TBC1D12: variants seen among roughly 807,000 people sequenced by gnomAD.
The protein encoded by TBC1D12 is TBC1 domain family, member 12.
Under a neutral mutation model 86.7 loss-of-function variants are expected in TBC1D12, and 56 were observed. The ratio of observed to expected loss-of-function variants is 0.65; its 90% CI spans 0.52 to 0.81. The LOEUF is 0.81. TBC1D12 is among the 30% of genes least tolerant of loss of function. TBC1D12 has a pLI of 0.00. For synonymous variants in TBC1D12, 421 were observed against 411.7 expected, an observed-to-expected ratio of 1.02 and a Z score of -0.27; for missense variants, 1,023 against 1,038.8, an observed-to-expected ratio of 0.98 and a Z score of 0.21.
chr10:94,513,802 G>A (rs1050413424), intron 9 of TBC1D12, among the ~76,000 whole-genome samples: 9 of 151,984 alleles, frequency 5.9e-5, no homozygotes, highest in African/African-American at 1.7e-4. Context: ...CAAGTGACCC[G>A]CCTGCATTGG....
chr10:94,460,861 A>G (rs186159089), intron 2 of TBC1D12, among the ~76,000 whole-genome samples: 1 of 152,040 alleles, frequency 6.6e-6, no homozygotes, highest in African/African-American at 2.4e-5. Flanking sequence ...GCCATGTCCA[A>G]TTTACTAATC....
intron 6 of TBC1D12, 138 bp downstream of exon 6, chr10:94,500,465 C>G: frequency 1.9e-6 from 1 of 534,058 alleles, no homozygotes; most frequent in Non-Finnish European, 3.1e-6. Context: ...CTTCATCCCC[C>G]TGTTATGAAG....
intron 2 of TBC1D12, among the ~76,000 whole-genome samples, chr10:94,472,446 T>C (rs776969235): frequency 8.5e-5 from 13 of 152,190 alleles, no homozygotes; most frequent in Non-Finnish European, 1.8e-4. Context: ...TCAATGTTAG[T>C]TGTTATTAAT....
At chr10:94,417,436 T>C (rs1039326879) in intron 1 of TBC1D12, among the ~76,000 whole-genome samples, 12 of 152,136 alleles carry the variant, frequency 7.9e-5, no homozygotes, top group Non-Finnish European at 1.3e-4. Flanking sequence ...TGAGATGATA[T>C]GAAAATAGAG....
At chr10:94,449,309 G>A (rs1009632813) in intron 2 of TBC1D12, among the ~76,000 whole-genome samples, 2 of 152,112 alleles carry the variant, frequency 1.3e-5, no homozygotes, top group African/African-American at 2.4e-5. Flanking sequence ...GATTGTGCTG[G>A]TAACTTTGCA....
intron 2 of TBC1D12, among the ~76,000 whole-genome samples, chr10:94,446,956 TC>T (rs553084677): frequency 2.1e-3 from 318 of 149,904 alleles, no homozygotes; most frequent in Non-Finnish European, 3.5e-3. Flanking sequence ...ACCTGTAATC[TC>T]ATCTACTTGG....
chr10:94,461,946 C>G (rs966446214), intron 2 of TBC1D12, among the ~76,000 whole-genome samples: 2 of 152,160 alleles, frequency 1.3e-5, no homozygotes, highest in Middle Eastern at 3.2e-3. Context: ...CACCTTGACC[C>G]CCACAAAATG....
chr10:94,413,252 A>G (rs541157605), intron 1 of TBC1D12, among the ~76,000 whole-genome samples: 4 of 152,292 alleles, frequency 2.6e-5, no homozygotes, highest in South Asian at 4.2e-4. Context: ...ATTTCGGACA[A>G]ATTCATTCTT....
intron 1 of TBC1D12, among the ~76,000 whole-genome samples, chr10:94,412,353 A>G (rs1356482877): frequency 6.6e-6 from 1 of 152,216 alleles, no homozygotes; most frequent in Non-Finnish European, 1.5e-5. Context: ...AAGATACTGG[A>G]TGAATTTTTG....
At position 94,489,068 on chromosome 10, in the gene TBC1D12, TCAGGAC is replaced by T. The variant is rs199517649; in HGVS notation, c.1212-4295_1212-4290del. Among the ~76,000 whole-genome samples, 1,227 of 152,258 alleles carry T rather than the reference TCAGGAC, an allele frequency of 8.1e-3. 16 individuals are homozygous for T. Among genetic ancestry groups the T allele is most frequent in the African/African-American group, 0.027 (1,106 of 41,554 alleles). On this transcript the variant is annotated intron_variant, in intron 3 of 12. Coordinates refer to ENST00000225235, the MANE Select transcript of TBC1D12 (RefSeq NM_015188.2). The stretch of plus-strand genomic sequence containing the variant: ...CACCGGCTCTAAGCCCAGCATAGCA[TCAGGAC>T]CTGCCTAAGAATTGCAGTCCTTGTG...
chr10:94,414,559 C>T (rs549920007), intron 1 of TBC1D12, among the ~76,000 whole-genome samples: 1 of 151,958 alleles, frequency 6.6e-6, no homozygotes, highest in Admixed American at 6.6e-5. Flanking sequence ...TCCCTAACGT[C>T]CCTGTCTCCC....
At chr10:94,532,030 G>A (rs931790094) in intron 12 of TBC1D12, among the ~76,000 whole-genome samples, 5 of 151,362 alleles carry the variant, frequency 3.3e-5, no homozygotes, top group African/African-American at 9.7e-5. Context: ...ACAGGTGCCC[G>A]CCACCACGCC....
At chr10:94,513,698 G>C (rs1679488093) in intron 9 of TBC1D12, among the ~76,000 whole-genome samples, 1 of 151,830 alleles carries the variant, frequency 6.6e-6, no homozygotes, top group Non-Finnish European at 1.5e-5. Context: ...CAGGTAGCTG[G>C]GACTGCAGGC....
At chr10:94,452,607 G>A (rs1257563177) in intron 2 of TBC1D12, among the ~76,000 whole-genome samples, 1 of 152,024 alleles carries the variant, frequency 6.6e-6, no homozygotes, top group Non-Finnish European at 1.5e-5. Context: ...CCTTTCCATG[G>A]CTTGATAGCT....
intron 9 of TBC1D12, among the ~76,000 whole-genome samples, chr10:94,520,978 A>G (rs1842136114): frequency 6.6e-6 from 1 of 152,076 alleles, no homozygotes; most frequent in Admixed American, 6.5e-5. Context: ...GTTATTCTTA[A>G]TGGTCTCACT....
At position 94,509,836 on chromosome 10, in the gene TBC1D12, A is replaced by G. The variant is rs575096391; in HGVS notation, c.1601-255A>G. The G allele has an allele frequency of 4.6e-5, 17 of 370,170 alleles. 1 individual carries two copies. The South Asian group carries it at 6.4e-4, about 14-fold the overall frequency. The allele number at this position is 370,170 out of a possible 1,614,324, so 22.9% of individuals were successfully genotyped here. On this transcript the variant is annotated intron_variant, in intron 7 of 12. Coordinates refer to ENST00000225235, the MANE Select transcript of TBC1D12 (RefSeq NM_015188.2). Reference sequence around the variant, plus strand: ...TTTCCTAGTTGTTACCATGGAAATGATGGTCTGCCCATATCTTCTGTAAAA... The same window carrying G: ...TTTCCTAGTTGTTACCATGGAAATGGTGGTCTGCCCATATCTTCTGTAAAA...
At chr10:94,452,056 A>G (rs2055558837) in intron 2 of TBC1D12, among the ~76,000 whole-genome samples, 1 of 150,770 alleles carries the variant, frequency 6.6e-6, no homozygotes, top group Non-Finnish European at 1.5e-5. Context: ...ATATATTTAA[A>G]TATATGTATT....
At chr10:94,448,627 C>A (rs1465616232) in intron 2 of TBC1D12, among the ~76,000 whole-genome samples, 1 of 152,108 alleles carries the variant, frequency 6.6e-6, no homozygotes, top group Non-Finnish European at 1.5e-5. Flanking sequence ...CAGGTGCATG[C>A]CACCATGCCT....
intron 2 of TBC1D12, among the ~76,000 whole-genome samples, chr10:94,467,708 A>G (rs767772436): frequency 6.6e-6 from 1 of 151,992 alleles, no homozygotes; most frequent in Non-Finnish European, 1.5e-5. Context: ...TCACAGTGCT[A>G]TTGCTTTGAT....
Sources: allele counts gnomAD v4.1 joint callset (sites outside exome capture counted in the v4.1 genomes callset), GRCh38; gene constraint gnomAD v4.1.1; transcripts MANE v1.5; gene names NCBI Gene and HGNC (gene_info 2026-07-23, HGNC 2026-07-21).